Variants in MAST4 observed in about 807,000 individuals in gnomAD.
MAST4 encodes microtubule-associated serine/threonine-protein kinase 4.
A neutral mutation model predicts 162.7 loss-of-function variants in MAST4; 89 were observed. The observed-to-expected ratio is 0.55, with a 90% CI of 0.46 to 0.65. The LOEUF (loss-of-function observed/expected upper bound fraction) is 0.65. Ranked by LOEUF, MAST4 falls within the 30% of genes least tolerant of loss-of-function variation. The pLI, the probability that MAST4 is intolerant of heterozygous loss-of-function variation, is 0.00. For missense variants in MAST4, 3,153 were observed against 3,374.0 expected, an observed-to-expected ratio of 0.93 and a Z score of 1.62; for synonymous variants, 1,479 against 1,361.1, an observed-to-expected ratio of 1.09 and a Z score of -1.91.
At chr5:67,040,476 C>T (rs905164974) in intron 4 of MAST4, among the ~76,000 whole-genome samples, 8 of 152,166 alleles carry the variant, frequency 5.3e-5, no homozygotes, top group African/African-American at 1.9e-4. Flanking sequence ...CACCTGTCTA[C>T]CATGAGCCTG....
intron 2 of MAST4, among the ~76,000 whole-genome samples, chr5:66,762,707 A>C (rs575605016): frequency 5.9e-5 from 9 of 152,370 alleles, no homozygotes; most frequent in Non-Finnish European, 1.2e-4. Context: ...TTTTTCCATC[A>C]GAGGCCCATG....
chr5:66,652,573 A>G (rs983436716), intron 1 of MAST4, among the ~76,000 whole-genome samples: 2 of 152,314 alleles, frequency 1.3e-5, no homozygotes, highest in African/African-American at 4.8e-5. Flanking sequence ...AAAACAATTT[A>G]TCTATCTACC....
intron 1 of MAST4, among the ~76,000 whole-genome samples, chr5:66,646,845 A>G (rs1305599055): frequency 6.6e-6 from 1 of 152,222 alleles, no homozygotes; most frequent in Non-Finnish European, 1.5e-5. Context: ...CAGATTCAAG[A>G]TAGACATCAG....
chr5:67,116,398 G>T (rs1388595004), intron 12 of MAST4, among the ~76,000 whole-genome samples: 1 of 151,150 alleles, frequency 6.6e-6, no homozygotes, highest in South Asian at 2.1e-4. Flanking sequence ...TAGAGATAAG[G>T]TTTCACCATG....
chr5:67,000,861 T>C (rs913986377), intron 4 of MAST4, among the ~76,000 whole-genome samples: 10 of 152,082 alleles, frequency 6.6e-5, no homozygotes, highest in Non-Finnish European at 1.3e-4. Flanking sequence ...TAGTGAAGGA[T>C]TTGACCCTTT....
At chr5:66,902,614 T>G in intron 4 of MAST4, 1 of 432,734 alleles carries the variant, frequency 2.3e-6, no homozygotes, top group South Asian at 1.8e-5. Flanking sequence ...AGAACTAACT[T>G]GAAGACTCTC....
chr5:67,141,553 TAA>T (rs920778676), intron 19 of MAST4, among the ~76,000 whole-genome samples: 2 of 152,168 alleles, frequency 1.3e-5, no homozygotes, highest in Non-Finnish European at 2.9e-5. Flanking sequence ...TTGGAGACAT[TAA>T]AAGTCTATAA....
At chr5:66,889,808 C>T (rs1258317988) in intron 3 of MAST4, among the ~76,000 whole-genome samples, 1 of 152,128 alleles carries the variant, frequency 6.6e-6, no homozygotes, top group Non-Finnish European at 1.5e-5. Context: ...TTCTCAACAC[C>T]CCATAAGATA....
intron 3 of MAST4, among the ~76,000 whole-genome samples, chr5:66,834,681 G>T (rs562744981): frequency 6.6e-6 from 1 of 152,296 alleles, no homozygotes; most frequent in South Asian, 2.1e-4. Context: ...AATTTGAACA[G>T]ATTCTAAGCT....
intron 3 of MAST4, among the ~76,000 whole-genome samples, chr5:66,899,126 C>A (rs935235962): frequency 1.3e-5 from 2 of 152,198 alleles, no homozygotes; most frequent in African/African-American, 2.4e-5. Flanking sequence ...GCTTCCTGTT[C>A]TTTAATAATT....
Position 67,165,007 on chromosome 5 carries a change from A to G in MAST4, c.5828A>G (p.Gln1943Arg). Residue 1943 changes from glutamine to arginine, a missense_variant, in exon 29 of 29, where the codon CAG becomes CGG. Around this residue, in one of 7 missense-constraint regions of MAST4, gnomAD observed 1,644 missense variants for 1,495.0 expected, o/e 1.10. Transcript: ENST00000403625. Reference protein sequence around the residue: ...TDPKLLTCLGQNLHSPDLARP... With the variant: ...TDPKLLTCLGRNLHSPDLARP... The stretch of plus-strand genomic sequence containing the variant: ...CCCAAGCTTCTGACCTGCCTGGGGC[A>G]GAACCTCCACAGCCCTGACCTGGCC... 2 of 1,613,624 alleles carry G rather than the reference A, an allele frequency of 1.2e-6. No homozygotes were observed. The highest frequency in any genetic ancestry group is 1.3e-5 in the African/African-American group (1 of 75,042).
chr5:67,093,616 T>G (rs1370462328), intron 6 of MAST4: 4 of 464,474 alleles, frequency 8.6e-6, no homozygotes, highest in Non-Finnish European at 1.7e-5. Flanking sequence ...ATCTTTCTAG[T>G]TGTGTGTTTT....
intron 1 of MAST4, among the ~76,000 whole-genome samples, chr5:66,644,642 A>G (rs1745703710): frequency 6.6e-6 from 1 of 152,118 alleles, no homozygotes; most frequent in African/African-American, 2.4e-5. Context: ...TGGAATCCAA[A>G]CTGACACTAT....
chr5:66,999,602 T>G (rs1184122167), intron 4 of MAST4, among the ~76,000 whole-genome samples: 1 of 152,242 alleles, frequency 6.6e-6, no homozygotes, highest in Admixed American at 6.5e-5. Context: ...TGCTTCAGAC[T>G]GTATCCTTTA....
chr5:66,656,970 A>C (rs1029577828), intron 1 of MAST4, among the ~76,000 whole-genome samples: 2 of 152,180 alleles, frequency 1.3e-5, no homozygotes, highest in Admixed American at 1.3e-4. Flanking sequence ...TTGAGAGCTC[A>C]TATGTCTTAC....
chr5:67,124,164 G>A (rs1442613297), intron 14 of MAST4, among the ~76,000 whole-genome samples: 2 of 152,158 alleles, frequency 1.3e-5, no homozygotes, highest in Non-Finnish European at 2.9e-5. Flanking sequence ...GAGAGAATTA[G>A]GGTCTTTGGT....
At chr5:67,090,616 C>A (rs1211131621) in intron 6 of MAST4, among the ~76,000 whole-genome samples, 2 of 150,610 alleles carry the variant, frequency 1.3e-5, no homozygotes, top group East Asian at 2.0e-4. Flanking sequence ...ATTTAGTGAT[C>A]CCATTGAGAA....
At chr5:66,673,986 G>T (rs1747794063) in intron 1 of MAST4, among the ~76,000 whole-genome samples, 1 of 152,084 alleles carries the variant, frequency 6.6e-6, no homozygotes, top group African/African-American at 2.4e-5. Flanking sequence ...AAGGCTCTCA[G>T]GATTACATAA....
intron 1 of MAST4, chr5:66,663,013 G>A (rs1308679249): frequency 6.6e-6 from 1 of 152,154 alleles, no homozygotes; most frequent in East Asian, 1.9e-4. Flanking sequence ...GTTAATTTTT[G>A]TATTTTTAGT....
Sources: allele counts gnomAD v4.1 joint callset (sites outside exome capture counted in the v4.1 genomes callset), GRCh38; gene constraint gnomAD v4.1.1; regional missense constraint gnomAD v4.1.1; transcripts MANE v1.5; gene names NCBI Gene and HGNC (gene_info 2026-07-23, HGNC 2026-07-21).